The following TMTC1 variants were observed in gnomAD, a reference collection of about 807,000 sequenced individuals.
The protein encoded by TMTC1 is protein O-mannosyl-transferase TMTC1.
TMTC1 carries 73 observed loss-of-function variants against 104.8 expected under a neutral mutation model. The ratio of observed to expected loss-of-function variants is 0.70; its 90% CI spans 0.58 to 0.85. TMTC1 has a LOEUF of 0.85. TMTC1 is among the 40% of genes least tolerant of loss of function. The pLI is 0.00. For synonymous variants in TMTC1, 434 were observed against 428.7 expected, an observed-to-expected ratio of 1.01 and a Z score of -0.15; for missense variants, 1,035 against 1,096.1, an observed-to-expected ratio of 0.94 and a Z score of 0.79.
intron 10 of TMTC1, among the ~76,000 whole-genome samples, chr12:29,536,677 C>T (rs929887900): frequency 1.3e-5 from 2 of 152,118 alleles, no homozygotes; most frequent in Non-Finnish European, 2.9e-5. Flanking sequence ...GCATGAGAGC[C>T]AATTTACAAT....
intron 5 of TMTC1, among the ~76,000 whole-genome samples, chr12:29,721,761 A>C (rs1419386919): frequency 6.6e-6 from 1 of 152,074 alleles, no homozygotes; most frequent in African/African-American, 2.4e-5. Flanking sequence ...ACTATTGACA[A>C]CCCTAAAAAG....
At chr12:29,779,377 A>G (rs139081345) in intron 1 of TMTC1, among the ~76,000 whole-genome samples, 2 of 152,370 alleles carry the variant, frequency 1.3e-5, no homozygotes, top group African/African-American at 4.8e-5. Flanking sequence ...ACATAGTGCA[A>G]AGCCACCACA....
intron 5 of TMTC1, 142 bp downstream of exon 5, chr12:29,751,524 A>G: frequency 1.2e-6 from 1 of 824,220 alleles, no homozygotes; most frequent in East Asian, 2.5e-5. Context: ...AGGGACAGGA[A>G]GAAGGGGGTA....
At chr12:29,597,050 TTTC>T (rs1946422242) in intron 7 of TMTC1, among the ~76,000 whole-genome samples, 1 of 152,122 alleles carries the variant, frequency 6.6e-6, no homozygotes, top group South Asian at 2.1e-4. Flanking sequence ...TCTAACCTGT[TTTC>T]AGGGACTGCT....
rs1040078122 is a variant in TMTC1 at position 29,692,922 on chromosome 12, T to C, written c.938+58744A>G. ...AACACGTTTTATTATTATATTTATATGTAATGTCTAGAAAAGGCGAATCTA... is the reference window on the plus strand; with the variant it reads ...AACACGTTTTATTATTATATTTATACGTAATGTCTAGAAAAGGCGAATCTA... On this transcript the variant is annotated intron_variant, in intron 5 of 17. Transcript: ENST00000539277. Among the ~76,000 whole-genome samples, 4 of 145,142 alleles carry C rather than the reference T, an allele frequency of 2.8e-5. 2 individuals are homozygous for C. The East Asian group carries it at 9.1e-4, about 33-fold the overall frequency.
At position 29,721,268 on chromosome 12, in the gene TMTC1, G is replaced by GA. The variant is rs1284803302; in HGVS notation, c.938+30397dup. 3.9e-5 allele frequency among the ~76,000 whole-genome samples: 6 copies of GA among 152,192 alleles called. No homozygotes were observed. In the South Asian group the frequency reaches 6.2e-4, roughly 16 times the overall value. Reference sequence around the variant, plus strand: ...GATAATAATAGGATATATGTCATGAGAGATCTACTGTATTTACTGACACAT... The same window carrying GA: ...GATAATAATAGGATATATGTCATGAGAAGATCTACTGTATTTACTGACACAT... On this transcript the variant is annotated intron_variant, in intron 5 of 17. Coordinates refer to ENST00000539277, the MANE Select transcript of TMTC1 (RefSeq NM_001193451.2).
intron 7 of TMTC1, among the ~76,000 whole-genome samples, chr12:29,586,496 A>G (rs1391050670): frequency 4.6e-5 from 7 of 152,194 alleles, no homozygotes; most frequent in African/African-American, 7.2e-5. Flanking sequence ...GTGAGAGAGG[A>G]CATCCCTGTC....
chr12:29,679,909 A>T (rs1347863651), intron 5 of TMTC1, among the ~76,000 whole-genome samples: 1 of 152,172 alleles, frequency 6.6e-6, no homozygotes, highest in Non-Finnish European at 1.5e-5. Flanking sequence ...ATAATCATAA[A>T]CTATATAAAG....
intron 2 of TMTC1, 74 bp from the exon 3 acceptor site, chr12:29,758,851 A>T: frequency 7.9e-7 from 1 of 1,264,352 alleles, no homozygotes; most frequent in Non-Finnish European, 1.1e-6. Context: ...AATCCATTAC[A>T]GAAATGTATT....
At chr12:29,562,494 T>TTAAGC (rs1429708144) in intron 9 of TMTC1, among the ~76,000 whole-genome samples, 14 of 152,358 alleles carry the variant, frequency 9.2e-5, no homozygotes, top group African/African-American at 3.4e-4. Context: ...GTTTACTGAA[T>TTAAGC]TAAGTATTTC....
Position 29,659,626 on chromosome 12 carries a change from T to C in TMTC1, c.939-26290A>G, listed in dbSNP as rs1359886601. ...TACCTAGTCTCCAGTAGTTTTTTTA[T>C]AGCAACAGAAAATGAACTAAGACAG... is the stretch of plus-strand genomic sequence containing the variant. On this transcript the variant is annotated intron_variant, in intron 5 of 17. Transcript: ENST00000539277. Among the ~76,000 whole-genome samples, 3 of 152,208 alleles carry C rather than the reference T, an allele frequency of 2.0e-5. No individual in the cohort carries two copies. In the East Asian group the frequency reaches 5.8e-4, roughly 29 times the overall value.
At chr12:29,543,701 G>T (rs1310917800) in intron 10 of TMTC1, among the ~76,000 whole-genome samples, 5 of 152,156 alleles carry the variant, frequency 3.3e-5, no homozygotes, top group Non-Finnish European at 5.9e-5. Context: ...TGACTGAGAT[G>T]ATCTTTACAG....
chr12:29,561,686 T>A (rs7310346), intron 9 of TMTC1, among the ~76,000 whole-genome samples: 6,251 of 152,314 alleles, frequency 0.041, 437 homozygotes, highest in African/African-American at 0.14. Flanking sequence ...TTGTACAATC[T>A]GTTCCAGAGT....
chr12:29,643,847 TTA>T lies in TMTC1; in HGVS notation c.939-10513_939-10512del, dbSNP rs1440323034. ...TATATATTTATATATATTTATATAT[TTA>T]TATATATTTATATATATTTTTATAT... On this transcript the variant is annotated intron_variant, in intron 5 of 17. Coordinates refer to ENST00000539277, the MANE Select transcript of TMTC1 (RefSeq NM_001193451.2). 7.0e-4 allele frequency among the ~76,000 whole-genome samples: 47 copies of T among 67,558 alleles called. 3 individuals carry two copies. The highest frequency in any genetic ancestry group is 1.3e-3 in the African/African-American group (21 of 16,484). The allele number at this position is 67,558 out of a possible 152,430, so 44.3% of individuals were successfully genotyped here. A position where few individuals can be genotyped will look rare whatever the true frequency, so the allele number is the denominator to read the frequency against.
chr12:29,661,770 A>G (rs539879832), intron 5 of TMTC1, among the ~76,000 whole-genome samples: 8 of 152,044 alleles, frequency 5.3e-5, no homozygotes, highest in Non-Finnish European at 1.2e-4. Flanking sequence ...CAAAGTTATG[A>G]GTATCTGTGT....
chr12:29,570,491 A>T (rs2766600), intron 9 of TMTC1, among the ~76,000 whole-genome samples: 89,951 of 152,096 alleles, frequency 0.59, 27,626 homozygotes, highest in Non-Finnish European at 0.67. Context: ...GGAACTTATA[A>T]TTCTTGTAAT....
intron 5 of TMTC1, among the ~76,000 whole-genome samples, chr12:29,666,728 T>C (rs902466665): frequency 1.3e-5 from 2 of 152,244 alleles, no homozygotes; most frequent in African/African-American, 4.8e-5. Flanking sequence ...TCTTTCCAGC[T>C]GTTCTCAGAA....
chr12:29,610,649 A>C (rs975169084), intron 6 of TMTC1, among the ~76,000 whole-genome samples: 16 of 152,190 alleles, frequency 1.1e-4, no homozygotes, highest in African/African-American at 3.9e-4. Context: ...CCTTGGTGAA[A>C]GGGACCCTGA....
intron 5 of TMTC1, among the ~76,000 whole-genome samples, chr12:29,714,387 T>C (rs888718258): frequency 2.6e-5 from 4 of 152,206 alleles, no homozygotes; most frequent in Non-Finnish European, 4.4e-5. Flanking sequence ...GGTGTTGGGA[T>C]TTCTTTTAAA....
Sources: allele counts gnomAD v4.1 joint callset (sites outside exome capture counted in the v4.1 genomes callset), GRCh38; gene constraint gnomAD v4.1.1; transcripts MANE v1.5; gene names NCBI Gene and HGNC (gene_info 2026-07-23, HGNC 2026-07-21).